Variants in PTPRD observed in about 807,000 individuals in gnomAD.
PTPRD encodes receptor-type tyrosine-protein phosphatase delta.
PTPRD carries 34 observed loss-of-function variants against 214.5 expected under a neutral mutation model. The observed-to-expected ratio is 0.16, with a 90% CI of 0.12 to 0.21. PTPRD has a LOEUF of 0.21. PTPRD is among the 10% of genes least tolerant of loss of function. The pLI, the probability that PTPRD is intolerant of heterozygous loss-of-function variation, is 1.00. For synonymous variants in PTPRD, 1,128 were observed against 845.7 expected, an observed-to-expected ratio of 1.33 and a Z score of -5.79; for missense variants, 2,545 against 2,398.7, an observed-to-expected ratio of 1.06 and a Z score of -1.27.
chr9:8,780,671 G>A (rs1307131495), intron 11 of PTPRD, among the ~76,000 whole-genome samples: 1 of 152,168 alleles, frequency 6.6e-6, no homozygotes, highest in Non-Finnish European at 1.5e-5. Context: ...ACTCAGGCAA[G>A]GCCTGAGAAT....
At chr9:8,335,454 A>T (rs1253313507) in intron 43 of PTPRD, among the ~76,000 whole-genome samples, 4 of 152,198 alleles carry the variant, frequency 2.6e-5, no homozygotes, top group Non-Finnish European at 5.9e-5. Context: ...ACTTTGTGCT[A>T]ACAACTCTCA....
chr9:9,676,643 G>A (rs1297834043), intron 7 of PTPRD, among the ~76,000 whole-genome samples: 1 of 152,096 alleles, frequency 6.6e-6, no homozygotes, highest in Non-Finnish European at 1.5e-5. Flanking sequence ...TATATACCCA[G>A]TAATGGGATG....
intron 3 of PTPRD, among the ~76,000 whole-genome samples, chr9:10,279,610 T>C (rs1334063747): frequency 3.3e-5 from 5 of 152,092 alleles, no homozygotes; most frequent in Non-Finnish European, 7.4e-5. Context: ...CTTTCACGTG[T>C]CTACTCAACC....
intron 5 of PTPRD, among the ~76,000 whole-genome samples, chr9:9,911,648 A>G (rs1284142658): frequency 6.6e-6 from 1 of 152,142 alleles, no homozygotes; most frequent in East Asian, 1.9e-4. Context: ...TGTTGCTTTT[A>G]TATTTCCCTT....
chr9:9,740,524 AT>A (rs33950646), intron 6 of PTPRD, among the ~76,000 whole-genome samples: 75,328 of 151,312 alleles, frequency 0.5, 22,433 homozygotes, highest in African/African-American at 0.83. Context: ...CGCCCGGCTA[AT>A]TTTTTTTGTG....
chr9:9,517,978 G>A (rs2096877314), intron 8 of PTPRD, among the ~76,000 whole-genome samples: 1 of 151,956 alleles, frequency 6.6e-6, no homozygotes, highest in African/African-American at 2.4e-5. Context: ...TTGGGTTTCT[G>A]TAAAGTATTA....
intron 2 of PTPRD, among the ~76,000 whole-genome samples, chr9:10,600,571 G>A (rs1591766580): frequency 6.6e-6 from 1 of 151,896 alleles, no homozygotes; most frequent in Non-Finnish European, 1.5e-5. Context: ...CTCCAGGATG[G>A]TGAGCCAAAG....
chr9:10,027,523 T>A (rs1468231324), intron 4 of PTPRD, among the ~76,000 whole-genome samples: 1 of 152,178 alleles, frequency 6.6e-6, no homozygotes, highest in African/African-American at 2.4e-5. Flanking sequence ...TGTAAGCATG[T>A]CATGTGTATT....
intron 11 of PTPRD, among the ~76,000 whole-genome samples, chr9:8,863,211 C>G (rs2098137072): frequency 6.6e-6 from 1 of 152,174 alleles, no homozygotes; most frequent in African/African-American, 2.4e-5. Context: ...CTATTTGCTA[C>G]TGGCTCTGCT....
At chr9:9,799,948 A>G (rs1351320632) in intron 5 of PTPRD, among the ~76,000 whole-genome samples, 2 of 152,164 alleles carry the variant, frequency 1.3e-5, no homozygotes, top group African/African-American at 4.8e-5. Flanking sequence ...ACCTGCTTCA[A>G]AGTACAAAAA....
In PTPRD at chr9:9,743,641, C is replaced by A. The variant is rs145205330; in HGVS notation, c.-325-9070G>T. On this transcript the variant is annotated intron_variant, in intron 6 of 45. Coordinates refer to ENST00000381196, the MANE Select transcript of PTPRD (RefSeq NM_002839.4). ...CCTTTTCCAAAGGCATGACCTTTAA[C>A]TGTCATGTTAAGACAGAAGAAGAAA... 1.3e-4 allele frequency among the ~76,000 whole-genome samples: 19 copies of A among 151,730 alleles called. No individual in the cohort carries two copies. In the East Asian group the frequency reaches 3.7e-3, roughly 30 times the overall value.
chr9:8,929,837 A>ATATG (rs2098936430), intron 11 of PTPRD, among the ~76,000 whole-genome samples: 3 of 117,268 alleles, frequency 2.6e-5, no homozygotes, highest in Admixed American at 9.9e-5. Flanking sequence ...ATATGTGTAT[A>ATATG]TATATGTGTG....
intron 5 of PTPRD, among the ~76,000 whole-genome samples, chr9:9,792,569 T>A (rs1319830675): frequency 6.6e-6 from 1 of 152,166 alleles, no homozygotes; most frequent in Non-Finnish European, 1.5e-5. Flanking sequence ...TAAATTTATG[T>A]CTCACACTGA....
intron 9 of PTPRD, among the ~76,000 whole-genome samples, chr9:9,262,756 G>C (rs1457185728): frequency 6.6e-6 from 1 of 151,568 alleles, no homozygotes; most frequent in Non-Finnish European, 1.5e-5. Context: ...GTTTCTTATT[G>C]TAATCAGTTT....
intron 7 of PTPRD, among the ~76,000 whole-genome samples, chr9:9,615,045 G>T (rs989230649): frequency 5.9e-5 from 9 of 152,110 alleles, no homozygotes; most frequent in East Asian, 3.9e-4. Context: ...GGCCAGAAGG[G>T]TCAGCAACGT....
At chr9:9,698,664 C>T (rs1213157042) in intron 7 of PTPRD, among the ~76,000 whole-genome samples, 4 of 152,162 alleles carry the variant, frequency 2.6e-5, no homozygotes, top group Admixed American at 2.6e-4. Flanking sequence ...TCACGCCCTC[C>T]CAATGCTTCC....
intron 11 of PTPRD, among the ~76,000 whole-genome samples, chr9:8,837,435 T>A (rs2154531659): frequency 6.6e-6 from 1 of 152,322 alleles, no homozygotes; most frequent in African/African-American, 2.4e-5. Flanking sequence ...AAAACTAAAT[T>A]TTAATTAAAG....
At chr9:8,791,489 G>C (rs2096234102) in intron 11 of PTPRD, among the ~76,000 whole-genome samples, 3 of 146,590 alleles carry the variant, frequency 2.0e-5, no homozygotes, top group African/African-American at 5.1e-5. Flanking sequence ...CTCCCAAAGT[G>C]CTCGGATTAC....
chr9:10,022,178 A>G (rs1295020899), intron 4 of PTPRD, among the ~76,000 whole-genome samples: 1 of 20,022 alleles, frequency 5.0e-5, no homozygotes, highest in East Asian at 9.7e-4. Context: ...AATAAACCCA[A>G]GAACGGAAAT....
Sources: allele counts gnomAD v4.1 joint callset (sites outside exome capture counted in the v4.1 genomes callset), GRCh38; gene constraint gnomAD v4.1.1; transcripts MANE v1.5; gene names NCBI Gene and HGNC (gene_info 2026-07-23, HGNC 2026-07-21).